Variants in ZFAT observed in about 807,000 individuals in gnomAD.
ZFAT encodes the protein zinc finger and AT-hook domain containing.
Under a neutral mutation model 117.7 loss-of-function variants are expected in ZFAT, and 64 were observed. The observed-to-expected ratio is 0.54, with a 90% CI of 0.44 to 0.67. The LOEUF (loss-of-function observed/expected upper bound fraction) is 0.67, where lower values mean the gene tolerates loss of function less well. Among genes scored for constraint, ZFAT ranks in the 30% least tolerant of loss-of-function variants. The pLI, the probability that ZFAT is intolerant of heterozygous loss-of-function variation, is 0.00. For synonymous variants in ZFAT, 679 were observed against 615.0 expected, an observed-to-expected ratio of 1.10 and a Z score of -1.54; for missense variants, 1,433 against 1,584.5, an observed-to-expected ratio of 0.90 and a Z score of 1.62.
At chr8:134,698,910 A>G (rs1039811185) in intron 1 of ZFAT, among the ~76,000 whole-genome samples, 2 of 152,240 alleles carry the variant, frequency 1.3e-5, no homozygotes, top group African/African-American at 4.8e-5. Flanking sequence ...GAGAGCAAAG[A>G]CCAAAGGAGA....
the ZFAT span, among the ~76,000 whole-genome samples, chr8:134,800,324 A>G: frequency 6.6e-6 from 1 of 152,182 alleles, no homozygotes; most frequent in African/African-American, 2.4e-5. Flanking sequence ...TACTGCAACC[A>G]TGCTTTCTTC....
At chr8:134,553,450 C>A (rs140858372) in intron 11 of ZFAT, among the ~76,000 whole-genome samples, 1 of 152,160 alleles carries the variant, frequency 6.6e-6, no homozygotes, top group Non-Finnish European at 1.5e-5. Flanking sequence ...TTTCAGCGAG[C>A]CGAGATCGCG....
At chr8:134,757,152 G>A in the ZFAT span, among the ~76,000 whole-genome samples, 1 of 151,712 alleles carries the variant, frequency 6.6e-6, no homozygotes, top group Admixed American at 6.6e-5. Flanking sequence ...AAGTAGCTGG[G>A]ACTACAGGCA....
At chr8:134,600,219 A>C in intron 7 of ZFAT, 2 of 583,954 alleles carry the variant, frequency 3.4e-6, no homozygotes, top group Non-Finnish European at 6.1e-6. Flanking sequence ...CACAGGAAAC[A>C]ATTTATTCCA....
At chr8:134,500,651 A>G (rs1818906833) in intron 15 of ZFAT, among the ~76,000 whole-genome samples, 1 of 152,260 alleles carries the variant, frequency 6.6e-6, no homozygotes, top group African/African-American at 2.4e-5. Context: ...CCAAAGTCAT[A>G]CCAGAAGCAG....
chr8:134,740,312 G>A, the ZFAT span, among the ~76,000 whole-genome samples: 1 of 152,220 alleles, frequency 6.6e-6, no homozygotes. Context: ...CTAAGTGCTA[G>A]ACATGGGTAA....
chr8:134,570,693 T>C (rs1490114327), intron 10 of ZFAT, among the ~76,000 whole-genome samples: 1 of 152,038 alleles, frequency 6.6e-6, no homozygotes, highest in African/African-American at 2.4e-5. Context: ...CCACCCTTTC[T>C]CCCCTCCTCA....
the ZFAT span, among the ~76,000 whole-genome samples, chr8:134,770,038 G>A: frequency 3.3e-5 from 5 of 152,294 alleles, no homozygotes; most frequent in East Asian, 7.7e-4. Flanking sequence ...TTCTTCCTAG[G>A]CCTTCAGGCC....
intron 7 of ZFAT, among the ~76,000 whole-genome samples, chr8:134,595,534 C>G (rs1007699892): frequency 2.0e-5 from 3 of 152,176 alleles, no homozygotes; most frequent in Admixed American, 2.0e-4. Context: ...CGGGGCTGAA[C>G]TCAGGCACAT....
chr8:134,741,777 T>C, the ZFAT span, among the ~76,000 whole-genome samples: 3 of 151,550 alleles, frequency 2.0e-5, no homozygotes, highest in African/African-American at 7.3e-5. Flanking sequence ...CAAATCTCAC[T>C]CAGCATCTGC....
intron 11 of ZFAT, among the ~76,000 whole-genome samples, chr8:134,564,069 C>T (rs1052305561): frequency 6.6e-6 from 1 of 151,938 alleles, no homozygotes; most frequent in East Asian, 1.9e-4. Flanking sequence ...GCAGGGGAAT[C>T]GCTTGAAACC....
At position 134,478,337 on chromosome 8, in the gene ZFAT, C is replaced by A; in HGVS notation, c.*145G>T. Reference sequence around the variant, plus strand: ...ACTGCCTTGCCCACCCCAAGTTGGACTAGGAGAGTCCTATCAGGCTGCTGG... The same window carrying A: ...ACTGCCTTGCCCACCCCAAGTTGGAATAGGAGAGTCCTATCAGGCTGCTGG... On this transcript the variant is annotated 3_prime_UTR_variant, in exon 16 of 16. Coordinates refer to ENST00000377838, the MANE Select transcript of ZFAT (RefSeq NM_020863.4). This position sits in a 1 kb window ranked among gnomAD's most constrained non-coding sequence, Gnocchi z 5.2. 7.8e-7 allele frequency: 1 copy of A among 1,283,816 alleles called. No homozygotes were observed. The highest frequency in any genetic ancestry group is 2.5e-5 in the East Asian group (1 of 39,322). 79.5% of individuals were successfully genotyped at this position (1,283,816 alleles called of 1,614,324 possible).
At chr8:134,793,084 C>T in the ZFAT span, 1 of 152,148 alleles carries the variant, frequency 6.6e-6, no homozygotes, top group Non-Finnish European at 1.5e-5. Flanking sequence ...TGCTCCCAGA[C>T]CATCTTCCAC....
intron 15 of ZFAT, among the ~76,000 whole-genome samples, chr8:134,483,895 C>T (rs192110863): frequency 1.1e-4 from 16 of 152,316 alleles, no homozygotes; most frequent in Admixed American, 3.3e-4. Context: ...ATCCAGCAAA[C>T]GCTGATGGAT....
At chr8:134,796,094 C>T in the ZFAT span, 1 of 152,270 alleles carries the variant, frequency 6.6e-6, no homozygotes, top group Non-Finnish European at 1.5e-5. Flanking sequence ...TGACCCTTCT[C>T]AGTATCTTGC....
At position 134,563,242 on chromosome 8, in the gene ZFAT, G is replaced by T. The variant is rs545391038; in HGVS notation, c.2976+2091C>A. Among the ~76,000 whole-genome samples, 8 of 152,290 alleles carry T rather than the reference G, an allele frequency of 5.3e-5. No homozygotes were observed. In the South Asian group the frequency reaches 1.7e-3, roughly 32 times the overall value. On this transcript the variant is annotated intron_variant, in intron 11 of 15. Transcript: ENST00000377838. ...ACCTAAGAAACTCACAGTCAGTACG[G>T]GTGGTTTTAAAAAGCAGCTATACAA...
chr8:134,527,931 T>C (rs1821139024), intron 12 of ZFAT, among the ~76,000 whole-genome samples: 1 of 151,730 alleles, frequency 6.6e-6, no homozygotes, highest in Admixed American at 6.6e-5. Flanking sequence ...TGCAAAGAAA[T>C]AGGTTTCAGA....
chr8:134,568,591 T>C (rs1273177601), intron 10 of ZFAT, among the ~76,000 whole-genome samples: 1 of 152,212 alleles, frequency 6.6e-6, no homozygotes, highest in Non-Finnish European at 1.5e-5. Context: ...AAAAGAGTCC[T>C]AAAATGAATA....
chr8:134,719,762 G>A, the ZFAT span, among the ~76,000 whole-genome samples: 3 of 152,198 alleles, frequency 2.0e-5, no homozygotes, highest in South Asian at 2.1e-4. Flanking sequence ...GGAAGAGGAC[G>A]TTGCAGAAAG....
Sources: allele counts gnomAD v4.1 joint callset (sites outside exome capture counted in the v4.1 genomes callset), GRCh38; gene constraint gnomAD v4.1.1; non-coding constraint Gnocchi (gnomAD v3.1); transcripts MANE v1.5; gene names NCBI Gene and HGNC (gene_info 2026-07-23, HGNC 2026-07-21).